Variants in VCPKMT observed in about 807,000 individuals in gnomAD.
VCPKMT encodes protein N-lysine methyltransferase METTL21D.
Under a neutral mutation model 28.6 loss-of-function variants are expected in VCPKMT, and 32 were observed. The ratio of observed to expected loss-of-function variants is 1.12; its 90% CI spans 0.84 to 1.50. The LOEUF (loss-of-function observed/expected upper bound fraction) is 1.50. Among genes scored for constraint, VCPKMT ranks in the 40% most tolerant of loss-of-function variants. VCPKMT has a pLI of 0.00. For missense variants in VCPKMT, 366 were observed against 285.0 expected, an observed-to-expected ratio of 1.28 and a Z score of -2.05; for synonymous variants, 138 against 111.4, an observed-to-expected ratio of 1.24 and a Z score of -1.50.
chr14:50,110,962 A>C, intron 5 of VCPKMT: 4 of 164,626 alleles, frequency 2.4e-5, no homozygotes, highest in Non-Finnish European at 5.0e-5. Flanking sequence ...GCAAATCCAT[A>C]GAGATTAGTG....
Position 50,116,358 on chromosome 14 carries a change from C to A in VCPKMT, c.195G>T (p.Ala65=). 1 of 1,612,834 alleles carries A rather than the reference C, an allele frequency of 6.2e-7. No individual in the cohort carries two copies. Among genetic ancestry groups the A allele is most frequent in the Non-Finnish European group, 8.5e-7 (1 of 1,179,472 alleles). Residue 65 remains alanine (A), a synonymous_variant, in exon 1 of 6, where the codon GCG becomes GCT. Coordinates refer to ENST00000395860, the MANE Select transcript of VCPKMT (RefSeq NM_024558.3). ...TPEFSGDGAH[A]LSRRSVLELG... is the part of the protein sequence containing the mutation. The stretch of plus-strand genomic sequence containing the variant: ...GCTCCAGCACCGACCGCCGGCTCAG[C>A]GCGTGGGCCCCGTCGCCAGAAAACT...
In VCPKMT at chr14:50,109,707, G is replaced by C; in HGVS notation, c.682C>G (p.Pro228Ala). Residue 228 changes from proline to alanine, a missense_variant, in exon 6 of 6, where the codon CCA becomes GCA. Physicochemically the swap from Pro to Ala is conservative, Grantham distance 27. Coordinates refer to ENST00000395860, the MANE Select transcript of VCPKMT (RefSeq NM_024558.3). The stretch of plus-strand genomic sequence containing the variant: ...TAAGATGATTAAAGGCTTCACGATG[G>C]AAATTTCTATAACAAAAAAAAAGGA... The part of the protein sequence containing the change: ...IYIRKKKSKF[P>A]S 1 of 1,601,194 alleles carries C rather than the reference G, an allele frequency of 6.2e-7. No homozygotes were observed. Among genetic ancestry groups the C allele is most frequent in the East Asian group, 2.2e-5 (1 of 44,710 alleles).
At chr14:50,106,148 T>C (rs967521467), downstream of VCPKMT, among the ~76,000 whole-genome samples, 7 of 152,178 alleles carry the variant, frequency 4.6e-5, no homozygotes, top group African/African-American at 1.7e-4. Context: ...ATTAAGACCA[T>C]CTGGAACCCC....
At position 50,116,530 on chromosome 14, in the gene VCPKMT, G is replaced by T. The variant is rs536328386; in HGVS notation, c.23C>A (p.Ser8Ter). The T allele has an allele frequency of 3.1e-6, 5 of 1,612,214 alleles. No homozygotes were observed. The highest frequency in any genetic ancestry group is 3.4e-6 in the Non-Finnish European group (4 of 1,179,298). The change falls in exon 1 of 6, where the codon TCG becomes TAG. Residue 8 changes from serine (S) to a stop codon, truncating the protein, a stop_gained. Transcript: ENST00000395860. LOFTEE classifies it high-confidence loss of function. ...AAAGCTCCGCAGTGGGTCCTCCAGC[G>T]AGGACTCCAGCGTATCCGCCATTGC... MADTLES[S>*]LEDPLRSFVR...
downstream of VCPKMT, among the ~76,000 whole-genome samples, chr14:50,104,326 C>T (rs191995566): frequency 1.3e-5 from 2 of 152,302 alleles, no homozygotes; most frequent in African/African-American, 4.8e-5. Flanking sequence ...ACTTCAATGT[C>T]TTGAACAACC....
At chr14:50,112,751 C>A in intron 4 of VCPKMT, 32 bp from the exon 5 acceptor site, 1 of 1,421,824 alleles carries the variant, frequency 7.0e-7, no homozygotes, top group Non-Finnish European at 9.6e-7. Flanking sequence ...ACTTCAAATT[C>A]AATAATATGA....
Position 50,109,468 on chromosome 14 carries a change from T to C in VCPKMT, c.*231A>G. On this transcript the variant is annotated 3_prime_UTR_variant, in exon 6 of 6. Coordinates refer to ENST00000395860, the MANE Select transcript of VCPKMT (RefSeq NM_024558.3). ...CCAACATTTAAGAAGAACTTGATGC[T>C]GAACTAAGTAACCTAAGCTGGATTC... The C allele has an allele frequency of 1.1e-5, 13 of 1,236,906 alleles. No homozygotes were observed. The highest frequency in any genetic ancestry group is 1.6e-5 in the African/African-American group (1 of 64,232). 76.6% of individuals were successfully genotyped at this position (1,236,906 alleles called of 1,614,324 possible). A position where few individuals can be genotyped will look rare whatever the true frequency, so the allele number is the denominator to read the frequency against.
intron 4 of VCPKMT, among the ~76,000 whole-genome samples, chr14:50,113,065 C>T (rs1318056581): frequency 6.6e-6 from 1 of 152,166 alleles, no homozygotes; most frequent in African/African-American, 2.4e-5. Flanking sequence ...GGATTACAGG[C>T]GTGAGCCACC....
At position 50,108,878 on chromosome 14, in the gene VCPKMT, G is replaced by A. The variant is rs1357099099; in HGVS notation, c.*821C>T. ...ATTCAAAAACCTTTCACTGCTTCAT[G>A]TAAACAATACCAGTATTTTTAAGCC... On this transcript the variant is annotated 3_prime_UTR_variant, in exon 6 of 6. Transcript: ENST00000395860. The A allele has an allele frequency of 9.1e-6, 9 of 985,434 alleles. No homozygotes were observed. The East Asian group carries it at 9.1e-4, about 99-fold the overall frequency. The allele number at this position is 985,434 out of a possible 1,614,324, so 61.0% of individuals were successfully genotyped here. A position where few individuals can be genotyped will look rare whatever the true frequency, so the allele number is the denominator to read the frequency against.
intron 3 of VCPKMT, among the ~76,000 whole-genome samples, chr14:50,114,641 G>T (rs1250633306): frequency 6.6e-6 from 1 of 152,148 alleles, no homozygotes; most frequent in Non-Finnish European, 1.5e-5. Flanking sequence ...TTGAAGACCA[G>T]CCTGGAGAAT....
chr14:50,102,821 T>C, the VCPKMT span, among the ~76,000 whole-genome samples: 1 of 152,334 alleles, frequency 6.6e-6, no homozygotes, highest in Middle Eastern at 3.4e-3. Flanking sequence ...AGTTACTGTA[T>C]TATAGGTAAT....
downstream of VCPKMT, among the ~76,000 whole-genome samples, chr14:50,105,949 A>G (rs1002863726): frequency 2.0e-5 from 3 of 152,140 alleles, no homozygotes; most frequent in South Asian, 4.2e-4. Flanking sequence ...AAAACCTCCT[A>G]TTTCATACAA....
chr14:50,111,619 T>C (rs1247654825), intron 5 of VCPKMT: 5 of 985,284 alleles, frequency 5.1e-6, no homozygotes, highest in Non-Finnish European at 6.0e-6. Context: ...AGCTCACACC[T>C]GTAATCCCAA....
At chr14:50,112,478 G>A in intron 5 of VCPKMT, 137 bp downstream of exon 5, 1 of 463,794 alleles carries the variant, frequency 2.2e-6, no homozygotes, top group Non-Finnish European at 3.8e-6. Context: ...TGACAATGAA[G>A]TTACTGCCTG....
At chr14:50,112,033 AATT>A (rs1465612717) in intron 5 of VCPKMT, 121 of 985,130 alleles carry the variant, frequency 1.2e-4, no homozygotes, top group Non-Finnish European at 1.4e-4. Context: ...AATTCTACTT[AATT>A]GAGTGCATTT....
At chr14:50,103,120 TC>T in the VCPKMT span, among the ~76,000 whole-genome samples, 3 of 152,224 alleles carry the variant, frequency 2.0e-5, no homozygotes, top group African/African-American at 7.2e-5. Context: ...TTCTTCTCCT[TC>T]CAGTGTGGCC....
chr14:50,107,278 G>C (rs1444759239), downstream of VCPKMT, among the ~76,000 whole-genome samples: 1 of 151,768 alleles, frequency 6.6e-6, no homozygotes, highest in Admixed American at 6.6e-5. Flanking sequence ...CCTGACTTCA[G>C]TTTTGGCCTT....
chr14:50,109,526 A>G lies in VCPKMT; in HGVS notation c.*173T>C. ...TTGGCAGGCAGGCAGGCAAGCAGGA[A>G]TTTTTCGTATTGCAGACAGCCCCTG... On this transcript the variant is annotated 3_prime_UTR_variant, in exon 6 of 6. Transcript: ENST00000395860. 7.6e-7 allele frequency: 1 copy of G among 1,314,568 alleles called. No homozygotes were observed. The allele number at this position is 1,314,568 out of a possible 1,614,324, so 81.4% of individuals were successfully genotyped here.
chr14:50,103,182 A>C, the VCPKMT span, among the ~76,000 whole-genome samples: 1 of 152,236 alleles, frequency 6.6e-6, no homozygotes, highest in Non-Finnish European at 1.5e-5. Flanking sequence ...GCCACTTTAC[A>C]CTGGCTGATG....
Sources: allele counts gnomAD v4.1 joint callset (sites outside exome capture counted in the v4.1 genomes callset), GRCh38; gene constraint gnomAD v4.1.1; transcripts MANE v1.5; gene names NCBI Gene and HGNC (gene_info 2026-07-23, HGNC 2026-07-21).